PRCP: variants seen among roughly 807,000 people sequenced by gnomAD.
PRCP encodes lysosomal Pro-X carboxypeptidase.
A neutral mutation model predicts 54.2 loss-of-function variants in PRCP; 46 were observed. That is an observed-to-expected ratio of 0.85 (90% CI 0.67 to 1.09). The LOEUF (loss-of-function observed/expected upper bound fraction) is 1.09, where lower values mean the gene tolerates loss of function less well. Ranked by LOEUF, PRCP falls within the 50% of genes least tolerant of loss-of-function variation. The probability of loss-of-function intolerance (pLI) is 0.00; values close to 1 mark genes in which losing one functional copy is unlikely to be tolerated. For missense variants in PRCP, 613 were observed against 596.8 expected (o/e 1.03, Z -0.28); for synonymous variants, 240 against 212.2 (o/e 1.13, Z -1.14).
chr11:82,878,012 C>G (rs578193605), intron 1 of PRCP, among the ~76,000 whole-genome samples: 7 of 152,212 alleles, frequency 4.6e-5, no homozygotes, highest in Non-Finnish European at 1.0e-4. Flanking sequence ...GAACCCACCT[C>G]TTGCATCAGT....
At position 82,839,439 on chromosome 11, in the gene PRCP, A is replaced by G. The variant is rs1274027928; in HGVS notation, c.922-14T>C. 1 of 1,600,094 alleles carries G rather than the reference A, an allele frequency of 6.2e-7. No homozygotes were observed. The highest frequency in any genetic ancestry group is 8.5e-7 in the Non-Finnish European group (1 of 1,169,950). On this transcript the variant is annotated splice_polypyrimidine_tract_variant and intron_variant, in intron 6 of 8. Transcript: ENST00000313010. ...CTGGCACACTACCTGTCATTTTAGA[A>G]AGATAAATGGGGAAAGAGTCAGAAT...
At chr11:82,825,237 TG>T in intron 8 of PRCP, 115 bp from the exon 9 acceptor site, 1 of 924,644 alleles carries the variant, frequency 1.1e-6, no homozygotes, top group Non-Finnish European at 1.6e-6. Flanking sequence ...ACTTGTAACC[TG>T]GGGGATTTGA....
intron 4 of PRCP, 57 bp from the exon 5 acceptor site, chr11:82,850,128 T>TATTA (rs397795636): frequency 1.7e-5 from 14 of 817,618 alleles, no homozygotes; most frequent in Admixed American, 4.4e-5. Flanking sequence ...TATATATATA[T>TATTA]TATATATATG....
intron 8 of PRCP, chr11:82,826,451 G>A (rs1858236619): frequency 6.6e-6 from 1 of 152,092 alleles, no homozygotes; most frequent in African/African-American, 2.4e-5. Context: ...GTTTTTGTGT[G>A]GATGCATGAT....
chr11:82,874,642 G>A (rs1241168650), intron 1 of PRCP, among the ~76,000 whole-genome samples: 2 of 143,666 alleles, frequency 1.4e-5, no homozygotes, highest in Non-Finnish European at 3.0e-5. Flanking sequence ...AATGAACTGT[G>A]ATCACACCAC....
intron 1 of PRCP, among the ~76,000 whole-genome samples, chr11:82,895,348 T>C (rs1250880278): frequency 2.6e-5 from 4 of 152,190 alleles, no homozygotes; most frequent in Admixed American, 2.0e-4. Flanking sequence ...TTTTTGTTTT[T>C]TGTAGAGACA....
At chr11:82,861,224 A>T (rs1327610856) in intron 1 of PRCP, among the ~76,000 whole-genome samples, 1 of 152,178 alleles carries the variant, frequency 6.6e-6, no homozygotes, top group African/African-American at 2.4e-5. Flanking sequence ...ACTGTGTTTG[A>T]TGGCTACGAA....
chr11:82,830,068 G>GA (rs1006060755), intron 8 of PRCP: 8 of 151,940 alleles, frequency 5.3e-5, no homozygotes, highest in Admixed American at 2.6e-4. Context: ...CTGGATTATA[G>GA]AAAAAAATGT....
intron 1 of PRCP, among the ~76,000 whole-genome samples, chr11:82,865,267 T>C (rs1357732372): frequency 6.6e-6 from 1 of 152,176 alleles, no homozygotes; most frequent in Non-Finnish European, 1.5e-5. Flanking sequence ...TATAACACGC[T>C]CATGCAGATA....
At chr11:82,885,668 AC>A (rs1859847202) in intron 1 of PRCP, among the ~76,000 whole-genome samples, 1 of 152,250 alleles carries the variant, frequency 6.6e-6, no homozygotes. Flanking sequence ...GAGCTGGTAG[AC>A]TTTCAAAAGC....
At chr11:82,891,538 C>T (rs1860009394) in intron 1 of PRCP, among the ~76,000 whole-genome samples, 1 of 152,158 alleles carries the variant, frequency 6.6e-6, no homozygotes. Flanking sequence ...TACAATGGCC[C>T]AGATGTCCCC....
chr11:82,836,342 A>C (rs1179749481), intron 8 of PRCP: 2 of 153,490 alleles, frequency 1.3e-5, no homozygotes, highest in Non-Finnish European at 2.9e-5. Context: ...CATATGTTCA[A>C]CATTATAAGG....
At chr11:82,850,981 A>G (rs1263394577) in intron 3 of PRCP, among the ~76,000 whole-genome samples, 1 of 152,208 alleles carries the variant, frequency 6.6e-6, no homozygotes, top group Non-Finnish European at 1.5e-5. Context: ...ACTGAAACAA[A>G]GTAGCCTGCC....
At chr11:82,861,968 T>G (rs1859215287) in intron 1 of PRCP, among the ~76,000 whole-genome samples, 1 of 152,140 alleles carries the variant, frequency 6.6e-6, no homozygotes, top group African/African-American at 2.4e-5. Flanking sequence ...CTGAAACTTT[T>G]GAGCACCAAC....
intron 1 of PRCP, among the ~76,000 whole-genome samples, chr11:82,882,164 G>T (rs183842605): frequency 6.6e-6 from 1 of 152,196 alleles, no homozygotes; most frequent in African/African-American, 2.4e-5. Context: ...GCTGTCTCAG[G>T]GGTGGCAGAG....
chr11:82,850,236 G>T (rs1858919011), intron 4 of PRCP, 88 bp downstream of exon 4: 4 of 1,240,530 alleles, frequency 3.2e-6, no homozygotes, highest in Non-Finnish European at 3.2e-6. Context: ...CAGGGTAATG[G>T]CATGGAACAT....
chr11:82,897,386 T>G lies in PRCP; in HGVS notation c.168+2849A>C, dbSNP rs1860142096. 2.6e-5 allele frequency among the ~76,000 whole-genome samples: 4 copies of G among 152,368 alleles called. No homozygotes were observed. The South Asian group carries it at 8.3e-4, about 32-fold the overall frequency. ...ATCATGCATTCACTCTTTCAACAAC[T>G]ATTTATTTTGTGCTTTATACTTTTT... On this transcript the variant is annotated intron_variant, in intron 1 of 8. Transcript: ENST00000313010.
intron 1 of PRCP, among the ~76,000 whole-genome samples, chr11:82,890,755 A>G (rs1859989274): frequency 1.3e-5 from 2 of 152,216 alleles, no homozygotes; most frequent in African/African-American, 4.8e-5. Flanking sequence ...CAAGGTCACC[A>G]TAACCTCCAC....
At chr11:82,852,837 G>T (rs1156527001) in intron 3 of PRCP, among the ~76,000 whole-genome samples, 1 of 152,010 alleles carries the variant, frequency 6.6e-6, no homozygotes, top group Non-Finnish European at 1.5e-5. Context: ...CCAGTGGCAG[G>T]CTCAATAATT....
Sources: allele counts gnomAD v4.1 joint callset (sites outside exome capture counted in the v4.1 genomes callset), GRCh38; gene constraint gnomAD v4.1.1; transcripts MANE v1.5; gene names NCBI Gene and HGNC (gene_info 2026-07-23, HGNC 2026-07-21).